PLXNA2: variants seen among roughly 807,000 people sequenced by gnomAD.
PLXNA2 encodes plexin A2, also known as plexin-A2.
PLXNA2 carries 91 observed loss-of-function variants against 193.5 expected under a neutral mutation model. That is an observed-to-expected ratio of 0.47 (90% CI 0.40 to 0.56). The LOEUF (loss-of-function observed/expected upper bound fraction) is 0.56. Ranked by LOEUF, PLXNA2 falls within the 20% of genes least tolerant of loss-of-function variation. The pLI is 0.00. For missense variants in PLXNA2, 1,995 were observed against 2,503.2 expected (o/e 0.80, Z 4.33); for synonymous variants, 997 against 1,027.3 (o/e 0.97, Z 0.56).
intron 4 of PLXNA2, among the ~76,000 whole-genome samples, chr1:208,140,004 C>T (rs1668416437): frequency 2.0e-5 from 3 of 152,212 alleles, no homozygotes; most frequent in African/African-American, 7.2e-5. Context: ...GCTCCCCCTA[C>T]TAATATTTCA....
At chr1:208,031,996 C>T in intron 28 of PLXNA2, 1 of 985,320 alleles carries the variant, frequency 1.0e-6, no homozygotes. Context: ...CCACATTCCA[C>T]ATTCCACACA....
Position 208,096,763 on chromosome 1 carries a change from G to C in PLXNA2, c.1852C>G (p.Pro618Ala), listed in dbSNP as rs992691404. ...GSQVICISPG[P>A]KDVPVIPLDQ... is the part of the protein sequence containing the mutation. The stretch of plus-strand genomic sequence containing the variant: ...AGCGGGATGACAGGGACATCCTTGG[G>C]CCCAGGTGAGATGCAGATGACCTGG... Residue 618 changes from proline to alanine, a missense_variant, in exon 7 of 32, where the codon CCC becomes GCC. Pro to Ala is a conservative substitution (Grantham distance 27). Coordinates refer to ENST00000367033, the MANE Select transcript of PLXNA2 (RefSeq NM_025179.4). 8.7e-6 allele frequency: 14 copies of C among 1,614,080 alleles called. No homozygotes were observed. Among genetic ancestry groups the C allele is most frequent in the Non-Finnish European group, 1.2e-5 (14 of 1,180,022 alleles).
chr1:208,146,359 T>C (rs903764069), intron 3 of PLXNA2, among the ~76,000 whole-genome samples: 5 of 152,242 alleles, frequency 3.3e-5, no homozygotes, highest in African/African-American at 1.2e-4. Context: ...AGGAGAATCA[T>C]AGACTTATAA....
At chr1:208,238,833 G>T (rs1323220048) in intron 1 of PLXNA2, among the ~76,000 whole-genome samples, 1 of 152,240 alleles carries the variant, frequency 6.6e-6, no homozygotes, top group East Asian at 1.9e-4. Flanking sequence ...GGCCCCTCGG[G>T]GTTGGGTCAG....
chr1:208,096,148 A>T (rs1366148145), intron 7 of PLXNA2, 23 bp from the exon 8 acceptor site: 1 of 1,595,158 alleles, frequency 6.3e-7, no homozygotes, highest in Admixed American at 1.7e-5. Flanking sequence ...ACAAAAAAGG[A>T]TGGGGTTGGG....
chr1:208,096,709 C>G (rs779310619), intron 7 of PLXNA2, 21 bp downstream of exon 7: 1 of 1,613,446 alleles, frequency 6.2e-7, no homozygotes, highest in Non-Finnish European at 8.5e-7. Flanking sequence ...ATTTGTGGCT[C>G]TCATGGCAGA....
At chr1:208,201,763 G>A (rs755316293) in intron 3 of PLXNA2, among the ~76,000 whole-genome samples, 5 of 151,756 alleles carry the variant, frequency 3.3e-5, no homozygotes, top group Admixed American at 1.3e-4. Flanking sequence ...AAAAAAAATC[G>A]AAGTTCACAA....
chr1:208,034,085 C>A (rs886209622), intron 27 of PLXNA2, among the ~76,000 whole-genome samples: 5 of 152,216 alleles, frequency 3.3e-5, no homozygotes, highest in African/African-American at 1.2e-4. Flanking sequence ...CTGGGGGCCC[C>A]AGTACTCCTC....
intron 3 of PLXNA2, among the ~76,000 whole-genome samples, chr1:208,169,885 G>A (rs1669436485): frequency 6.6e-6 from 1 of 151,146 alleles, no homozygotes; most frequent in Non-Finnish European, 1.5e-5. Context: ...AATCTGTATT[G>A]ACTATTAAGA....
At chr1:208,061,411 G>C (rs1665616319) in intron 12 of PLXNA2, among the ~76,000 whole-genome samples, 1 of 152,158 alleles carries the variant, frequency 6.6e-6, no homozygotes, top group African/African-American at 2.4e-5. Flanking sequence ...TCGAGGATGA[G>C]ATAAAGGCAG....
chr1:208,036,400 G>C (rs1664670736), intron 26 of PLXNA2, among the ~76,000 whole-genome samples: 1 of 152,182 alleles, frequency 6.6e-6, no homozygotes, highest in Admixed American at 6.5e-5. Flanking sequence ...TTAACCAACA[G>C]GTGGTGCAAG....
At position 208,142,119 on chromosome 1, in the gene PLXNA2, G is replaced by A. The variant is rs552894328; in HGVS notation, c.1506+210C>T. Among the ~76,000 whole-genome samples the A allele has an allele frequency of 9.8e-5, 15 of 152,302 alleles. No individual in the cohort carries two copies. In the South Asian group the frequency reaches 1.2e-3, roughly 13 times the overall value. On this transcript the variant is annotated intron_variant, in intron 4 of 31. Coordinates refer to ENST00000367033, the MANE Select transcript of PLXNA2 (RefSeq NM_025179.4). Reference sequence around the variant, plus strand: ...ATCACTTACTGAGACAGGGGCTGTGGCCTAGAGTGAAGCCTCCGGGAAGTG... The same window carrying A: ...ATCACTTACTGAGACAGGGGCTGTGACCTAGAGTGAAGCCTCCGGGAAGTG...
chr1:208,224,061 G>A (rs941997068), intron 1 of PLXNA2, among the ~76,000 whole-genome samples: 2 of 152,186 alleles, frequency 1.3e-5, no homozygotes, highest in Middle Eastern at 3.2e-3. Context: ...GCAGCTGTAC[G>A]TGCAAGCATT....
At chr1:208,127,884 G>A (rs964340364) in intron 4 of PLXNA2, among the ~76,000 whole-genome samples, 4 of 152,210 alleles carry the variant, frequency 2.6e-5, no homozygotes, top group Non-Finnish European at 4.4e-5. Context: ...GAGTAGGGAA[G>A]ATCAATAGCT....
At chr1:208,208,084 T>G (rs1572033094) in intron 3 of PLXNA2, among the ~76,000 whole-genome samples, 1 of 152,400 alleles carries the variant, frequency 6.6e-6, no homozygotes, top group Admixed American at 6.5e-5. Flanking sequence ...GCCCCTAGTG[T>G]GTGCTGTGCA....
At chr1:208,084,655 T>A in intron 9 of PLXNA2, 75 bp from the exon 10 acceptor site, 2 of 1,429,610 alleles carry the variant, frequency 1.4e-6, no homozygotes, top group Non-Finnish European at 1.9e-6. Context: ...GGCAGGCCCC[T>A]CTTGTATCAG....
intron 29 of PLXNA2, chr1:208,029,342 C>A: frequency 8.4e-7 from 1 of 1,195,548 alleles, no homozygotes. Context: ...ACTCTGTGCC[C>A]CTAGGCAAGC....
chr1:208,077,266 C>T (rs968985337), intron 12 of PLXNA2, among the ~76,000 whole-genome samples: 1 of 152,172 alleles, frequency 6.6e-6, no homozygotes, highest in Non-Finnish European at 1.5e-5. Context: ...AGATTGGGGC[C>T]TCTGATGCCT....
At chr1:208,181,203 C>G (rs1455377515) in intron 3 of PLXNA2, among the ~76,000 whole-genome samples, 1 of 152,222 alleles carries the variant, frequency 6.6e-6, no homozygotes, top group Non-Finnish European at 1.5e-5. Flanking sequence ...CCATCTACCA[C>G]TTCCCGACCC....
Sources: allele counts gnomAD v4.1 joint callset (sites outside exome capture counted in the v4.1 genomes callset), GRCh38; gene constraint gnomAD v4.1.1; transcripts MANE v1.5; gene names NCBI Gene and HGNC (gene_info 2026-07-23, HGNC 2026-07-21).